The following TSPAN11 variants were observed in gnomAD, a reference collection of about 807,000 sequenced individuals.
TSPAN11 encodes tetraspanin 11.
TSPAN11 carries 29 observed loss-of-function variants against 32.9 expected under a neutral mutation model. The ratio of observed to expected loss-of-function variants is 0.88; its 90% CI spans 0.66 to 1.20. The LOEUF (loss-of-function observed/expected upper bound fraction) is 1.20. TSPAN11 is among the 50% of genes most tolerant of loss of function. TSPAN11 has a pLI of 0.00. For missense variants in TSPAN11, 283 were observed against 329.1 expected, an observed-to-expected ratio of 0.86 and a Z score of 1.08; for synonymous variants, 140 against 141.3, an observed-to-expected ratio of 0.99 and a Z score of 0.07.
At chr12:30,959,869 G>A (rs1423240368) in intron 2 of TSPAN11, among the ~76,000 whole-genome samples, 1 of 151,532 alleles carries the variant, frequency 6.6e-6, no homozygotes. Context: ...GACAGTAAGA[G>A]CACCGAGGCC....
At chr12:30,960,381 C>T (rs980872550) in intron 2 of TSPAN11, among the ~76,000 whole-genome samples, 2 of 152,030 alleles carry the variant, frequency 1.3e-5, no homozygotes, top group Non-Finnish European at 2.9e-5. Context: ...GAGAACTCCC[C>T]TCCGCAGAGG....
intron 3 of TSPAN11, among the ~76,000 whole-genome samples, chr12:30,967,408 A>T (rs1202031257): frequency 6.6e-6 from 1 of 152,222 alleles, no homozygotes; most frequent in Non-Finnish European, 1.5e-5. Context: ...ACCCTTCTGC[A>T]CTTCGGGGAG....
intron 4 of TSPAN11, chr12:30,978,843 T>A: frequency 1.8e-6 from 1 of 563,750 alleles, no homozygotes; most frequent in Non-Finnish European, 3.2e-6. Context: ...TGCTGATGTC[T>A]TCCACATGGG....
At chr12:30,945,656 G>A (rs999022378) in intron 1 of TSPAN11, among the ~76,000 whole-genome samples, 2 of 151,950 alleles carry the variant, frequency 1.3e-5, no homozygotes, top group Non-Finnish European at 2.9e-5. Context: ...TTGTCTTCTC[G>A]GTGCTTGAGC....
At chr12:31,012,814 C>G in the TSPAN11 span, 2 of 152,234 alleles carry the variant, frequency 1.3e-5, no homozygotes, top group Non-Finnish European at 2.9e-5. Context: ...TGTATTTATA[C>G]TGATGGAAAT....
intron 3 of TSPAN11, among the ~76,000 whole-genome samples, chr12:30,971,138 C>CCT (rs938211395): frequency 6.6e-6 from 1 of 152,156 alleles, no homozygotes; most frequent in Non-Finnish European, 1.5e-5. Context: ...CTAGTACCTG[C>CCT]CTCTCATCCC....
chr12:30,985,852 T>A (rs1461384536), intron 7 of TSPAN11, among the ~76,000 whole-genome samples: 1 of 152,252 alleles, frequency 6.6e-6, no homozygotes, highest in East Asian at 1.9e-4. Context: ...CCTGCAGGCC[T>A]GCCACTCCTC....
chr12:31,003,460 A>G, the TSPAN11 span, among the ~76,000 whole-genome samples: 1 of 152,170 alleles, frequency 6.6e-6, no homozygotes, highest in South Asian at 2.1e-4. Flanking sequence ...TGGCTGGGGG[A>G]GCAGACACTG....
At chr12:30,945,549 C>T (rs1938249078) in intron 1 of TSPAN11, among the ~76,000 whole-genome samples, 1 of 152,164 alleles carries the variant, frequency 6.6e-6, no homozygotes, top group Non-Finnish European at 1.5e-5. Flanking sequence ...GTTGTGGTCC[C>T]TCTGCTCCTG....
intron 7 of TSPAN11, among the ~76,000 whole-genome samples, chr12:30,991,319 G>C (rs1297533511): frequency 6.6e-6 from 1 of 152,226 alleles, no homozygotes; most frequent in East Asian, 1.9e-4. Flanking sequence ...CTGTACACCA[G>C]CCAGAGCATC....
chr12:31,002,412 C>T, the TSPAN11 span, among the ~76,000 whole-genome samples: 1 of 152,170 alleles, frequency 6.6e-6, no homozygotes, highest in Non-Finnish European at 1.5e-5. The surrounding 1 kb of genome is among the most constrained non-coding windows in gnomAD (Gnocchi z 4.8). Context: ...TGACCCAGGA[C>T]AAGGGGAATT....
chr12:31,013,550 G>A, the TSPAN11 span, among the ~76,000 whole-genome samples: 1 of 151,884 alleles, frequency 6.6e-6, no homozygotes, highest in Non-Finnish European at 1.5e-5. Context: ...GATCATGCCA[G>A]TGTACTCCAG....
chr12:30,941,471 T>C (rs912935047), intron 1 of TSPAN11, among the ~76,000 whole-genome samples: 24 of 152,180 alleles, frequency 1.6e-4, no homozygotes, highest in Admixed American at 1.2e-3. Flanking sequence ...CAGGCCACAT[T>C]TTTACCCAAC....
intron 2 of TSPAN11, among the ~76,000 whole-genome samples, chr12:30,956,458 A>C (rs1938479252): frequency 2.0e-5 from 3 of 152,096 alleles, no homozygotes; most frequent in African/African-American, 2.4e-5. Context: ...AAGTTTGAAA[A>C]ATTCAGAGCC....
intron 1 of TSPAN11, among the ~76,000 whole-genome samples, chr12:30,927,972 T>TA (rs1425626209): frequency 6.6e-6 from 1 of 152,222 alleles, no homozygotes; most frequent in Non-Finnish European, 1.5e-5. Context: ...TAAGGGGCAC[T>TA]ACTGGCCTAC....
rs374839164 is a variant in TSPAN11, at chr12:30,975,397, G to T, written c.277-3164G>T. ...CCAGCACCTGTGCCCACCAGCACCC[G>T]GCCTCAGTCCCCTTGAAGCCCCAGG... On this transcript the variant is annotated intron_variant, in intron 3 of 7. Coordinates refer to ENST00000546076, the MANE Select transcript of TSPAN11 (RefSeq NM_001370302.1). This position sits in a 1 kb window ranked among gnomAD's most constrained non-coding sequence, Gnocchi z 4.5. Among the ~76,000 whole-genome samples the T allele has an allele frequency of 2.0e-5, 3 of 152,014 alleles. No individual in the cohort carries two copies. The highest frequency in any genetic ancestry group is 2.9e-5 in the Non-Finnish European group (2 of 67,978).
At chr12:30,986,532 G>T (rs991837767) in intron 7 of TSPAN11, among the ~76,000 whole-genome samples, 5 of 152,162 alleles carry the variant, frequency 3.3e-5, no homozygotes, top group African/African-American at 1.2e-4. Context: ...CTACACTAAG[G>T]GTTTCCAATA....
chr12:30,939,427 C>A (rs1272850308), intron 1 of TSPAN11, among the ~76,000 whole-genome samples: 2 of 152,254 alleles, frequency 1.3e-5, no homozygotes, highest in South Asian at 2.1e-4. Flanking sequence ...CATAAAACAC[C>A]TGTCTTCATA....
At chr12:30,940,337 G>A (rs1338669057) in intron 1 of TSPAN11, among the ~76,000 whole-genome samples, 8 of 152,126 alleles carry the variant, frequency 5.3e-5, no homozygotes, top group African/African-American at 9.7e-5. Flanking sequence ...TTCAGCATCC[G>A]ACACCCATAC....
Sources: gnomAD v4.1 joint callset for allele counts (sites outside exome capture counted in the v4.1 genomes callset) on GRCh38, gnomAD v4.1.1 for gene constraint, Gnocchi (gnomAD v3.1) non-coding constraint, MANE v1.5 for transcripts, NCBI Gene and HGNC (gene_info 2026-07-23, HGNC 2026-07-21) for gene names.